Variants in CIMAP2 observed in about 807,000 individuals in gnomAD.
CIMAP2 encodes ciliary microtubule-associated protein 2.
the CIMAP2 span, among the ~76,000 whole-genome samples, chr1:54,809,765 A>G: frequency 6.6e-6 from 1 of 152,058 alleles, no homozygotes; most frequent in Non-Finnish European, 1.5e-5. Flanking sequence ...CAGGGGAGCT[A>G]GGGGGACAAG....
chr1:54,813,671 GCCCGGC>G, the CIMAP2 span: 1 of 780,808 alleles, frequency 1.3e-6, no homozygotes, highest in Non-Finnish European at 1.7e-6. Context: ...CTTGAGGCTG[GCCCGGC>G]CTCCGGCCTC....
chr1:54,807,359 C>G, the CIMAP2 span, among the ~76,000 whole-genome samples: 3 of 152,204 alleles, frequency 2.0e-5, no homozygotes, highest in Non-Finnish European at 4.4e-5. Flanking sequence ...CACGATTGCA[C>G]CTTGAGTGCC....
the CIMAP2 span, among the ~76,000 whole-genome samples, chr1:54,811,018 CT>C: frequency 1.3e-5 from 2 of 152,228 alleles, no homozygotes; most frequent in African/African-American, 4.8e-5. Flanking sequence ...CTCCTCGCTG[CT>C]CCCCAAGCAC....
chr1:54,808,037 C>A, the CIMAP2 span: 1 of 1,518,676 alleles, frequency 6.6e-7, no homozygotes, highest in South Asian at 1.3e-5. Context: ...TCTGGAGTCC[C>A]AAGCAGAGAG....
the CIMAP2 span, chr1:54,815,161 T>TC: frequency 2.1e-6 from 3 of 1,414,842 alleles, no homozygotes; most frequent in Non-Finnish European, 2.9e-6. Flanking sequence ...CCCTTTCTTT[T>TC]CCCCAAGGGA....
chr1:54,840,858 T>C, the CIMAP2 span, among the ~76,000 whole-genome samples: 9 of 152,246 alleles, frequency 5.9e-5, no homozygotes, highest in Non-Finnish European at 1.2e-4. Flanking sequence ...AAGTCCTTTA[T>C]CAGATACGTG....
chr1:54,809,472 G>A, the CIMAP2 span, among the ~76,000 whole-genome samples: 15 of 152,170 alleles, frequency 9.9e-5, no homozygotes, highest in African/African-American at 3.4e-4. Flanking sequence ...ATGTAGCATA[G>A]CACTTACCAT....
the CIMAP2 span, among the ~76,000 whole-genome samples, chr1:54,825,117 C>T: frequency 1.6e-5 from 2 of 125,584 alleles, no homozygotes; most frequent in Non-Finnish European, 3.1e-5. Context: ...TGGCCCTGAT[C>T]TTGGCTCACT....
chr1:54,835,528 C>T, the CIMAP2 span, among the ~76,000 whole-genome samples: 3 of 152,088 alleles, frequency 2.0e-5, no homozygotes, highest in Non-Finnish European at 4.4e-5. Flanking sequence ...TATGCAATAG[C>T]TTTAAAGGGT....
the CIMAP2 span, among the ~76,000 whole-genome samples, chr1:54,812,759 G>A: frequency 6.6e-6 from 1 of 152,216 alleles, no homozygotes; most frequent in Non-Finnish European, 1.5e-5. Context: ...TCTCCATTAT[G>A]CATTCTCGCG....
the CIMAP2 span, chr1:54,811,683 G>A: frequency 7.7e-7 from 1 of 1,302,858 alleles, no homozygotes; most frequent in South Asian, 1.3e-5. Context: ...CGGACACCCT[G>A]AAAATCCCAT....
At chr1:54,828,982 G>T in the CIMAP2 span, among the ~76,000 whole-genome samples, 188 of 152,282 alleles carry the variant, frequency 1.2e-3, no homozygotes, top group African/African-American at 4.2e-3. Flanking sequence ...TACATTTTAA[G>T]ATAGAAGAAT....
At chr1:54,820,287 T>G in the CIMAP2 span, among the ~76,000 whole-genome samples, 106 of 151,502 alleles carry the variant, frequency 7.0e-4, 1 homozygote, top group Admixed American at 2.2e-3. Context: ...CCAACCTCAC[T>G]CTCCCTAGTA....
chr1:54,812,292 C>G, the CIMAP2 span: 26 of 1,484,646 alleles, frequency 1.8e-5, no homozygotes, highest in Admixed American at 4.2e-4. Flanking sequence ...GGCTCTGCAC[C>G]GGGCCTTTCC....
the CIMAP2 span, among the ~76,000 whole-genome samples, chr1:54,818,384 T>TTC: frequency 6.6e-6 from 1 of 151,134 alleles, no homozygotes; most frequent in Admixed American, 6.6e-5. Flanking sequence ...TCTTTTTTTT[T>TTC]CTCTCTCTCT....
At chr1:54,811,773 G>GGGGGGGGGGGGGC in the CIMAP2 span, 1 of 1,325,052 alleles carries the variant, frequency 7.5e-7, no homozygotes, top group Non-Finnish European at 1.0e-6. Flanking sequence ...CAGCCTCCAT[G>GGGGGGGGGGGGGC]CCCCCACCCC....
At chr1:54,818,801 C>T in the CIMAP2 span, among the ~76,000 whole-genome samples, 1 of 152,226 alleles carries the variant, frequency 6.6e-6, no homozygotes, top group South Asian at 2.1e-4. Flanking sequence ...TCATGTTGCC[C>T]AGGCTGGTCT....
At chr1:54,833,286 G>C in the CIMAP2 span, among the ~76,000 whole-genome samples, 1 of 152,206 alleles carries the variant, frequency 6.6e-6, no homozygotes, top group Non-Finnish European at 1.5e-5. Context: ...AACAGAGACA[G>C]TGCGGGGACC....
chr1:54,839,381 TA>T, the CIMAP2 span, among the ~76,000 whole-genome samples: 15 of 32,894 alleles, frequency 4.6e-4, no homozygotes, highest in African/African-American at 5.9e-4. Flanking sequence ...TTTATTTATT[TA>T]TTTATTTTTC....
Sources: allele counts gnomAD v4.1 joint callset (sites outside exome capture counted in the v4.1 genomes callset), GRCh38; gene constraint gnomAD v4.1.1; transcripts MANE v1.5; gene names NCBI Gene and HGNC (gene_info 2026-07-23, HGNC 2026-07-21).